KHDRBS2: variants seen among roughly 807,000 people sequenced by gnomAD.
KHDRBS2 encodes KH domain-containing, RNA-binding, signal transduction-associated protein 2.
A neutral mutation model predicts 44.3 loss-of-function variants in KHDRBS2; 26 were observed. The observed-to-expected ratio is 0.59, with a 90% CI of 0.43 to 0.81. KHDRBS2 has a LOEUF of 0.81. KHDRBS2 is among the 40% of genes least tolerant of loss of function. The pLI, the probability that KHDRBS2 is intolerant of heterozygous loss-of-function variation, is 0.00. For synonymous variants in KHDRBS2, 194 were observed against 151.1 expected, an observed-to-expected ratio of 1.28 and a Z score of -2.08; for missense variants, 476 against 433.1, an observed-to-expected ratio of 1.10 and a Z score of -0.88.
At chr6:61,595,681 T>G in the KHDRBS2 span, among the ~76,000 whole-genome samples, 1 of 151,974 alleles carries the variant, frequency 6.6e-6, no homozygotes, top group Admixed American at 6.6e-5. Context: ...TATTTTCAGA[T>G]GAATTGCATT....
At chr6:61,871,036 A>G (rs182046924) in intron 6 of KHDRBS2, among the ~76,000 whole-genome samples, 1 of 152,210 alleles carries the variant, frequency 6.6e-6, no homozygotes, top group Non-Finnish European at 1.5e-5. Context: ...TAGGCTTCAG[A>G]AAGTGGGTAA....
chr6:62,010,579 T>A (rs1167647787), intron 3 of KHDRBS2, among the ~76,000 whole-genome samples: 1 of 152,142 alleles, frequency 6.6e-6, no homozygotes, highest in Non-Finnish European at 1.5e-5. Context: ...ATAATTGCGA[T>A]GTGTTGTGGG....
Position 61,901,260 on chromosome 6 carries a change from G to T in KHDRBS2, c.595C>A (p.Pro199Thr). Reference protein sequence around the residue: ...GIRGRGIRIAPTAPSRGRGGA... With the variant: ...GIRGRGIRIATTAPSRGRGGA... ...TGAATGTACCTTGAAGGAGCTGTGG[G>T]AGCTATTCTGATCCCTCTGCCTCTA... The change falls in exon 5 of 9, where the codon CCC (proline) becomes ACC (threonine). Residue 199 changes from proline (P) to threonine (T), a missense_variant. Pro to Thr is a conservative substitution (Grantham distance 38). Transcript: ENST00000281156. 1 of 1,612,974 alleles carries T rather than the reference G, an allele frequency of 6.2e-7. No homozygotes were observed. Among genetic ancestry groups the T allele is most frequent in the Non-Finnish European group, 8.5e-7 (1 of 1,179,480 alleles).
intron 1 of KHDRBS2, among the ~76,000 whole-genome samples, chr6:62,197,595 T>C (rs1039450928): frequency 7.2e-5 from 11 of 152,054 alleles, no homozygotes; most frequent in African/African-American, 2.4e-4. Flanking sequence ...CTAATAAACA[T>C]GAAATCCCTC....
intron 6 of KHDRBS2, among the ~76,000 whole-genome samples, chr6:61,819,042 T>C (rs1015605407): frequency 6.6e-6 from 1 of 152,000 alleles, no homozygotes. Context: ...TTCCTCTAAT[T>C]TCTCTTTTTT....
chr6:61,625,921 T>C, the KHDRBS2 span, among the ~76,000 whole-genome samples: 1 of 152,188 alleles, frequency 6.6e-6, no homozygotes, highest in African/African-American at 2.4e-5. Context: ...CTCCTAACCA[T>C]GGAATTGTGA....
rs1219382535 is a variant in KHDRBS2 at position 62,105,081 on chromosome 6, A to G, written c.220-57087T>C. 2.0e-5 allele frequency among the ~76,000 whole-genome samples: 3 copies of G among 152,176 alleles called. No homozygotes were observed. The East Asian group carries it at 5.8e-4, about 29-fold the overall frequency. On this transcript the variant is annotated intron_variant, in intron 2 of 8. Transcript: ENST00000281156. ...TGAAAAACAAACAACCATTCTCAAC[A>G]GGAAGAAAATGATCATTTGTACAGT... is the stretch of plus-strand genomic sequence containing the variant.
At chr6:61,834,376 T>C (rs975938901) in intron 6 of KHDRBS2, among the ~76,000 whole-genome samples, 1 of 152,040 alleles carries the variant, frequency 6.6e-6, no homozygotes, top group African/African-American at 2.4e-5. Context: ...ACAATGAAAC[T>C]ACATAATGAA....
intron 6 of KHDRBS2, among the ~76,000 whole-genome samples, chr6:61,792,856 C>T (rs1392326830): frequency 1.3e-5 from 2 of 151,788 alleles, no homozygotes; most frequent in East Asian, 3.8e-4. Context: ...GAATACAATG[C>T]AACTTTAATT....
intron 6 of KHDRBS2, among the ~76,000 whole-genome samples, chr6:61,868,148 G>A (rs1389698322): frequency 2.0e-5 from 3 of 152,012 alleles, no homozygotes; most frequent in Non-Finnish European, 4.4e-5. Context: ...CTCAAGCAGG[G>A]GTGGCTGGGA....
chr6:61,612,598 C>T, the KHDRBS2 span, among the ~76,000 whole-genome samples: 7 of 152,308 alleles, frequency 4.6e-5, no homozygotes, highest in Non-Finnish European at 8.8e-5. Flanking sequence ...TAATAAATGA[C>T]AGTGGCATTA....
At chr6:62,264,108 T>C (rs570322915) in intron 1 of KHDRBS2, among the ~76,000 whole-genome samples, 2 of 151,850 alleles carry the variant, frequency 1.3e-5, no homozygotes, top group African/African-American at 2.4e-5. Context: ...TACAGCCAAA[T>C]ACACAGAAAA....
intron 3 of KHDRBS2, among the ~76,000 whole-genome samples, chr6:62,009,095 C>T (rs1254464965): frequency 6.6e-6 from 1 of 152,120 alleles, no homozygotes; most frequent in East Asian, 1.9e-4. Context: ...GAGTTTGGAA[C>T]TCCCTAGAGA....
intron 2 of KHDRBS2, among the ~76,000 whole-genome samples, chr6:62,073,240 T>C (rs908862133): frequency 1.3e-5 from 2 of 151,842 alleles, no homozygotes; most frequent in African/African-American, 4.8e-5. Flanking sequence ...TATCTGTACA[T>C]GTCATAGTTC....
At chr6:61,869,981 T>TGTTTTTTTTTG (rs376408090) in intron 6 of KHDRBS2, among the ~76,000 whole-genome samples, 1 of 147,158 alleles carries the variant, frequency 6.8e-6, no homozygotes, top group Non-Finnish European at 1.5e-5. Flanking sequence ...TTTTTTTTTT[T>TGTTTTTTTTTG]TTTTTTCCCC....
chr6:61,552,055 G>A, the KHDRBS2 span, among the ~76,000 whole-genome samples: 122,639 of 151,820 alleles, frequency 0.81, 50,023 homozygotes, highest in African/African-American at 0.91. Context: ...GGAGCTTTGG[G>A]CATTTCTATA....
intron 1 of KHDRBS2, among the ~76,000 whole-genome samples, chr6:62,282,613 T>C (rs1471620515): frequency 2.0e-5 from 3 of 152,012 alleles, no homozygotes; most frequent in African/African-American, 7.2e-5. Context: ...GCCTCAAACA[T>C]TAATAGTAGT....
At chr6:61,689,136 T>C (rs1217583272) in intron 8 of KHDRBS2, among the ~76,000 whole-genome samples, 1 of 151,860 alleles carries the variant, frequency 6.6e-6, no homozygotes, top group African/African-American at 2.4e-5. Context: ...TAGCAATACT[T>C]TTATCTATTA....
intron 1 of KHDRBS2, among the ~76,000 whole-genome samples, chr6:62,181,447 T>C (rs1202021917): frequency 2.0e-5 from 3 of 151,982 alleles, no homozygotes; most frequent in Non-Finnish European, 4.4e-5. Flanking sequence ...GAAGAGATGC[T>C]GGACATCACT....
Sources: gnomAD v4.1 joint callset for allele counts (sites outside exome capture counted in the v4.1 genomes callset) on GRCh38, gnomAD v4.1.1 for gene constraint, MANE v1.5 for transcripts, NCBI Gene and HGNC (gene_info 2026-07-23, HGNC 2026-07-21) for gene names.